The following NRG1 variants were observed in gnomAD, a reference collection of about 807,000 sequenced individuals.
NRG1 encodes neuregulin 1.
A neutral mutation model predicts 63.8 loss-of-function variants in NRG1; 18 were observed. The observed-to-expected ratio is 0.28, with a 90% CI of 0.19 to 0.42. The LOEUF (loss-of-function observed/expected upper bound fraction) is 0.42. Among genes scored for constraint, NRG1 ranks in the 10% least tolerant of loss-of-function variants. The pLI is 1.00. For synonymous variants in NRG1, 302 were observed against 301.3 expected (o/e 1.00, Z -0.02); for missense variants, 762 against 814.7 (o/e 0.94, Z 0.79).
At chr8:32,341,038 T>C (rs1804007362) in intron 1 of NRG1, among the ~76,000 whole-genome samples, 1 of 152,214 alleles carries the variant, frequency 6.6e-6, no homozygotes, top group African/African-American at 2.4e-5. Context: ...TGTATTGTTA[T>C]TGACAATAAC....
intron 1 of NRG1, among the ~76,000 whole-genome samples, chr8:32,049,847 C>T (rs966596185): frequency 2.0e-5 from 3 of 152,126 alleles, no homozygotes; most frequent in East Asian, 1.9e-4. Context: ...CCTGATCTGT[C>T]TCTGCAACAC....
At chr8:32,079,823 G>A (rs140925432) in intron 1 of NRG1, among the ~76,000 whole-genome samples, 388 of 152,100 alleles carry the variant, frequency 2.6e-3, no homozygotes, top group African/African-American at 9.2e-3. Context: ...TGCCACATGT[G>A]GAAATAATAT....
intron 1 of NRG1, among the ~76,000 whole-genome samples, chr8:32,417,601 T>G (rs73675184): frequency 0.012 from 1,833 of 152,220 alleles, 30 homozygotes; most frequent in African/African-American, 0.041. Context: ...AACATTTAGT[T>G]GGATACACTT....
Position 32,693,291 on chromosome 8 carries a change from G to A in NRG1, c.503-34658G>A, listed in dbSNP as rs181108659. Among the ~76,000 whole-genome samples, 239 of 149,868 alleles carry A rather than the reference G, an allele frequency of 1.6e-3. 1 individual carries two copies. Among genetic ancestry groups the A allele is most frequent in the African/African-American group, 5.3e-3 (217 of 40,682 alleles). On this transcript the variant is annotated intron_variant, in intron 5 of 11. Coordinates refer to ENST00000356819, the Ensembl canonical transcript of NRG1. ...TGGAGTGCAGTGGCACAATCTCGGCGCACTGCAACCTCCGCCTTCTGGGTT... is the reference window on the plus strand; with the variant it reads ...TGGAGTGCAGTGGCACAATCTCGGCACACTGCAACCTCCGCCTTCTGGGTT...
chr8:32,728,687 C>T, intron 6 of NRG1: 1 of 980,584 alleles, frequency 1.0e-6, no homozygotes, highest in South Asian at 4.7e-5. Flanking sequence ...TGGGTGACAG[C>T]AGTGTTCTTT....
At chr8:31,891,345 A>C (rs1337396467) in intron 1 of NRG1, among the ~76,000 whole-genome samples, 4 of 152,198 alleles carry the variant, frequency 2.6e-5, no homozygotes. Flanking sequence ...GAGATATTTC[A>C]CCAAAGAGGA....
At chr8:32,504,859 C>A (rs1226084387) in intron 1 of NRG1, among the ~76,000 whole-genome samples, 3 of 152,054 alleles carry the variant, frequency 2.0e-5, no homozygotes, top group Admixed American at 6.6e-5. Flanking sequence ...TAGACAGTAG[C>A]ATTAGTCTCA....
At chr8:32,745,770 G>A (rs1201872799) in intron 7 of NRG1, among the ~76,000 whole-genome samples, 2 of 151,914 alleles carry the variant, frequency 1.3e-5, no homozygotes. Flanking sequence ...AAAAGAAAAA[G>A]CACCCACACT....
chr8:32,631,513 G>A (rs765472464), intron 5 of NRG1, among the ~76,000 whole-genome samples: 3 of 152,116 alleles, frequency 2.0e-5, no homozygotes, highest in Non-Finnish European at 4.4e-5. Flanking sequence ...TAATGCATCT[G>A]GTTTCCTGTA....
intron 1 of NRG1, among the ~76,000 whole-genome samples, chr8:31,878,478 G>A (rs977783585): frequency 6.6e-6 from 1 of 152,156 alleles, no homozygotes; most frequent in African/African-American, 2.4e-5. Context: ...ATACTCAGGG[G>A]AATTTGCTAC....
intron 1 of NRG1, among the ~76,000 whole-genome samples, chr8:32,429,195 A>G (rs1437968636): frequency 2.0e-5 from 3 of 152,152 alleles, no homozygotes; most frequent in Non-Finnish European, 4.4e-5. Context: ...GTTGTGATAT[A>G]CAAAGTGTTT....
chr8:32,034,791 G>GATAT lies in NRG1; in HGVS notation c.37+395361_37+395364dup, dbSNP rs757102748. ...TTTGTATTTCTGTGGGGTCAGTGGT[G>GATAT]ATATCCCTTTATCATTTTTCATTGT... On this transcript the variant is annotated intron_variant, in intron 1 of 10. Coordinates refer to the NRG1 transcript ENST00000519301. Among the ~76,000 whole-genome samples the GATAT allele has an allele frequency of 2.0e-5, 3 of 152,112 alleles. No homozygotes were observed. The East Asian group carries it at 5.8e-4, about 29-fold the overall frequency.
chr8:32,197,054 G>T (rs1357355913), intron 1 of NRG1, among the ~76,000 whole-genome samples: 6 of 141,208 alleles, frequency 4.2e-5, no homozygotes, highest in African/African-American at 1.6e-4. Flanking sequence ...TCGCCTCCCG[G>T]GTTCAAACGA....
chr8:31,664,996 G>A (rs574131762), intron 1 of NRG1, among the ~76,000 whole-genome samples: 1 of 152,212 alleles, frequency 6.6e-6, no homozygotes, highest in Non-Finnish European at 1.5e-5. Context: ...TAAGAATTCA[G>A]AGGAGGTAGA....
At chr8:32,540,814 G>T (rs1255531830) in intron 1 of NRG1, among the ~76,000 whole-genome samples, 4 of 152,128 alleles carry the variant, frequency 2.6e-5, no homozygotes, top group African/African-American at 9.7e-5. Flanking sequence ...TTGCACCTAT[G>T]GGAAAGAGTT....
intron 1 of NRG1, among the ~76,000 whole-genome samples, chr8:32,522,047 C>A (rs777461935): frequency 1.3e-5 from 2 of 152,100 alleles, no homozygotes; most frequent in Non-Finnish European, 1.5e-5. Context: ...GGCTTTTCGG[C>A]GACAAATCTG....
chr8:31,989,148 G>A (rs1810592389), intron 1 of NRG1, among the ~76,000 whole-genome samples: 1 of 150,558 alleles, frequency 6.6e-6, no homozygotes, highest in Admixed American at 6.6e-5. Flanking sequence ...TCAGGAGGCT[G>A]AGGCAGGAGA....
At chr8:31,927,542 G>A (rs1048682048) in intron 1 of NRG1, among the ~76,000 whole-genome samples, 2 of 143,396 alleles carry the variant, frequency 1.4e-5, no homozygotes, top group Non-Finnish European at 3.0e-5. Flanking sequence ...TCCGCCTCCG[G>A]GGTTCACGCC....
At chr8:32,154,946 C>T (rs1837888289) in intron 1 of NRG1, among the ~76,000 whole-genome samples, 1 of 152,168 alleles carries the variant, frequency 6.6e-6, no homozygotes, top group African/African-American at 2.4e-5. Flanking sequence ...GATGAAGAAA[C>T]TGAGATCGCA....
Sources: gnomAD v4.1 joint callset for allele counts (sites outside exome capture counted in the v4.1 genomes callset) on GRCh38, gnomAD v4.1.1 for gene constraint, MANE v1.5 for transcripts, NCBI Gene and HGNC (gene_info 2026-07-23, HGNC 2026-07-21) for gene names.